CAMK4: variants seen among roughly 807,000 people sequenced by gnomAD.
The protein encoded by CAMK4 is calcium/calmodulin dependent protein kinase IV, also known as calcium/calmodulin-dependent protein kinase type IV.
CAMK4 carries 22 observed loss-of-function variants against 44.9 expected under a neutral mutation model. The observed-to-expected ratio is 0.49, with a 90% CI of 0.35 to 0.70. CAMK4 has a LOEUF of 0.70. Among genes scored for constraint, CAMK4 ranks in the 30% least tolerant of loss-of-function variants. The probability of loss-of-function intolerance (pLI) is 0.01; values close to 1 mark genes in which losing one functional copy is unlikely to be tolerated. For missense variants in CAMK4, 498 were observed against 586.8 expected (o/e 0.85, Z 1.56); for synonymous variants, 218 against 215.4 (o/e 1.01, Z -0.11).
At chr5:111,449,007 C>G (rs1412283746) in intron 6 of CAMK4, 122 bp from the exon 7 acceptor site, 3 of 522,162 alleles carry the variant, frequency 5.7e-6, no homozygotes, top group Non-Finnish European at 1.0e-5. Flanking sequence ...CACCTTCACC[C>G]CATCATCAAA....
chr5:111,433,830 G>A (rs994355985), intron 5 of CAMK4, among the ~76,000 whole-genome samples: 1 of 152,128 alleles, frequency 6.6e-6, no homozygotes, highest in Non-Finnish European at 1.5e-5. Flanking sequence ...CCACAAATTG[G>A]GGACAAATTT....
At chr5:111,224,300 AGAG>A (rs1748050733), upstream of CAMK4, 2 of 837,224 alleles carry the variant, frequency 2.4e-6, no homozygotes, top group African/African-American at 3.7e-5. The surrounding 1 kb of genome is among the most constrained non-coding windows in gnomAD (Gnocchi z 5.7). Flanking sequence ...GCCCTCTCGC[AGAG>A]GCTCGCCCCC....
At chr5:111,480,732 T>C (rs1755407592) in intron 9 of CAMK4, among the ~76,000 whole-genome samples, 1 of 152,148 alleles carries the variant, frequency 6.6e-6, no homozygotes, top group Non-Finnish European at 1.5e-5. Flanking sequence ...CTCTAGGTCG[T>C]TGTGAGAATT....
At chr5:111,478,562 A>C in intron 9 of CAMK4, 55 bp downstream of exon 9, 1 of 953,168 alleles carries the variant, frequency 1.0e-6, no homozygotes, top group Non-Finnish European at 1.5e-6. Context: ...TTTTTAACTA[A>C]TTAATGGGAA....
rs114038792 is a variant in CAMK4 at position 111,448,275 on chromosome 5, A to G, written c.551-854A>G. On this transcript the variant is annotated intron_variant, in intron 6 of 10. Transcript: ENST00000282356. ...TCTTATAGTCTTCTTATGAGAGTAAATTCTTATAAGTGAAATACATTGGAG... is the reference window on the plus strand; with the variant it reads ...TCTTATAGTCTTCTTATGAGAGTAAGTTCTTATAAGTGAAATACATTGGAG... Among the ~76,000 whole-genome samples the G allele has an allele frequency of 3.2e-3, 488 of 152,338 alleles. 4 individuals carry two copies. Among genetic ancestry groups the G allele is most frequent in the African/African-American group, 0.011 (470 of 41,568 alleles).
intron 5 of CAMK4, among the ~76,000 whole-genome samples, chr5:111,444,047 C>G (rs1402400546): frequency 6.6e-6 from 1 of 152,166 alleles, no homozygotes; most frequent in Admixed American, 6.5e-5. Context: ...CATTACCTTC[C>G]TTTCCAGTAT....
intron 5 of CAMK4, among the ~76,000 whole-genome samples, chr5:111,398,050 T>C (rs1322495586): frequency 6.6e-6 from 1 of 152,190 alleles, no homozygotes; most frequent in Non-Finnish European, 1.5e-5. Context: ...GCCAGCAGCC[T>C]GGACACTGGG....
chr5:111,264,144 TG>T (rs1270513247), intron 1 of CAMK4, among the ~76,000 whole-genome samples: 1 of 152,200 alleles, frequency 6.6e-6, no homozygotes, highest in Non-Finnish European at 1.5e-5. Context: ...TGACTTGGTT[TG>T]GTGGGAGTTG....
Position 111,482,778 on chromosome 5 carries a change from AT to A in CAMK4, c.829-4del. On this transcript the variant is annotated splice_polypyrimidine_tract_variant and splice_region_variant and intron_variant, in intron 9 of 10. Coordinates refer to ENST00000282356, the MANE Select transcript of CAMK4 (RefSeq NM_001744.6). The surrounding 1 kb of genome is among the most constrained non-coding windows in gnomAD (Gnocchi z 4.9). Reference sequence around the variant, plus strand: ...CTCGCTAAGTTTATGGTTCTTTATTATTTCAGGTCAGAAAATTAATTGTTTT... The same window carrying A: ...CTCGCTAAGTTTATGGTTCTTTATTATTCAGGTCAGAAAATTAATTGTTTT... 1 of 1,602,136 alleles carries A rather than the reference AT, an allele frequency of 6.2e-7. No homozygotes were observed. The highest frequency in any genetic ancestry group is 8.5e-7 in the Non-Finnish European group (1 of 1,176,276).
chr5:111,235,689 A>C (rs939461159), intron 1 of CAMK4, among the ~76,000 whole-genome samples: 1 of 152,258 alleles, frequency 6.6e-6, no homozygotes, highest in Non-Finnish European at 1.5e-5. Flanking sequence ...GTTCTTTAAA[A>C]TATTGACCTA....
intron 1 of CAMK4, among the ~76,000 whole-genome samples, chr5:111,258,623 A>G (rs1749841135): frequency 6.6e-6 from 1 of 151,848 alleles, no homozygotes; most frequent in South Asian, 2.1e-4. Context: ...TCAGTTACCA[A>G]CCCCCTGCCC....
At chr5:111,424,637 T>C (rs186193288) in intron 5 of CAMK4, among the ~76,000 whole-genome samples, 315 of 151,606 alleles carry the variant, frequency 2.1e-3, no homozygotes, top group African/African-American at 3.2e-3. Flanking sequence ...TTAGTAGAGA[T>C]GGGGTTTCAC....
intron 2 of CAMK4, among the ~76,000 whole-genome samples, chr5:111,354,777 C>T (rs1400607275): frequency 6.6e-6 from 1 of 152,026 alleles, no homozygotes; most frequent in Non-Finnish European, 1.5e-5. Context: ...TAGCCTCTCA[C>T]ACCTTAGTGA....
At chr5:111,341,327 C>T (rs1311567299) in intron 1 of CAMK4, among the ~76,000 whole-genome samples, 2 of 150,828 alleles carry the variant, frequency 1.3e-5, no homozygotes, top group Non-Finnish European at 3.0e-5. Flanking sequence ...TTTTACAGTT[C>T]CTGGTTTTGC....
chr5:111,333,179 G>A (rs1261448998), intron 1 of CAMK4, among the ~76,000 whole-genome samples: 1 of 151,342 alleles, frequency 6.6e-6, no homozygotes, highest in Non-Finnish European at 1.5e-5. Flanking sequence ...ATAGTAGATG[G>A]TATGGAATAG....
intron 1 of CAMK4, among the ~76,000 whole-genome samples, chr5:111,264,394 C>T (rs188719019): frequency 5.9e-5 from 9 of 152,248 alleles, no homozygotes; most frequent in Non-Finnish European, 8.8e-5. Flanking sequence ...AGTTTCCCAA[C>T]GATGCATAGA....
intron 2 of CAMK4, among the ~76,000 whole-genome samples, chr5:111,363,273 G>A (rs887122487): frequency 5.3e-5 from 8 of 152,040 alleles, no homozygotes; most frequent in Non-Finnish European, 1.2e-4. Flanking sequence ...AGACTTAAGT[G>A]GCAGGATGAG....
intron 4 of CAMK4, among the ~76,000 whole-genome samples, chr5:111,392,660 T>A (rs1315923520): frequency 6.6e-6 from 1 of 152,192 alleles, no homozygotes; most frequent in Admixed American, 6.6e-5. Context: ...AAACATTTTG[T>A]ACATATTAAC....
chr5:111,484,363 A>C lies in CAMK4; in HGVS notation c.1319A>C (p.Lys440Thr). The change falls in exon 11 of 11, where the codon AAG (lysine) becomes ACG (threonine). Residue 440 changes from lysine (K) to threonine (T), a missense_variant. Physicochemically the swap from Lys to Thr is moderately conservative, Grantham distance 78. Around this residue, in one of 3 missense-constraint regions of CAMK4, gnomAD observed 143 missense variants for 144.9 expected, o/e 0.99. Coordinates refer to ENST00000282356, the MANE Select transcript of CAMK4 (RefSeq NM_001744.6). The surrounding 1 kb of genome is among the most constrained non-coding windows in gnomAD (Gnocchi z 5.3). ...LELEEGLAEEKLKTVEEAAAP... is the reference protein window; with the variant it reads ...LELEEGLAEETLKTVEEAAAP... ...CTAGAGGAGGGCCTAGCAGAGGAGAAGCTGAAGACTGTGGAGGAGGCAGCA... is the reference window on the plus strand; with the variant it reads ...CTAGAGGAGGGCCTAGCAGAGGAGACGCTGAAGACTGTGGAGGAGGCAGCA... 2.5e-6 allele frequency: 4 copies of C among 1,609,824 alleles called. No individual in the cohort carries two copies. Among genetic ancestry groups the C allele is most frequent in the Non-Finnish European group, 3.4e-6 (4 of 1,178,138 alleles).
Sources: gnomAD v4.1 joint callset for allele counts (sites outside exome capture counted in the v4.1 genomes callset) on GRCh38, gnomAD v4.1.1 for gene constraint, gnomAD v4.1.1 regional missense constraint, Gnocchi (gnomAD v3.1) non-coding constraint, MANE v1.5 for transcripts, NCBI Gene and HGNC (gene_info 2026-07-23, HGNC 2026-07-21) for gene names.